NUDT21: variants seen among roughly 807,000 people sequenced by gnomAD.
NUDT21 encodes the protein nudix hydrolase 21.
Under a neutral mutation model 29.8 loss-of-function variants are expected in NUDT21, and 5 were observed. That is an observed-to-expected ratio of 0.17 (90% confidence interval 0.09 to 0.35). The LOEUF is 0.35. Among genes scored for constraint, NUDT21 ranks in the 10% least tolerant of loss-of-function variants. The pLI is 1.00. For missense variants in NUDT21, 76 were observed against 276.0 expected (o/e 0.28, Z 5.13); for synonymous variants, 113 against 98.5 (o/e 1.15, Z -0.87).
At position 56,450,778 on chromosome 16, in the gene NUDT21, C is replaced by T. The variant is rs143995365; in HGVS notation, c.116+309G>A. 2.4e-3 allele frequency among the ~76,000 whole-genome samples: 362 copies of T among 152,298 alleles called. 2 individuals carry two copies. The highest frequency in any genetic ancestry group is 3.4e-3 in the Non-Finnish European group (234 of 68,012). On this transcript the variant is annotated intron_variant, in intron 1 of 6. Transcript: ENST00000300291. ...CAATTCACTGGAAGGATTAAAAAAACACACATTTTGAAGTCGGTTACCTCT... is the reference window on the plus strand; with the variant it reads ...CAATTCACTGGAAGGATTAAAAAAATACACATTTTGAAGTCGGTTACCTCT...
At position 56,445,040 on chromosome 16, in the gene NUDT21, T is replaced by G. The variant is rs150012091; in HGVS notation, c.381+1586A>C. 2.8e-3 allele frequency among the ~76,000 whole-genome samples: 423 copies of G among 152,224 alleles called. 7 individuals carry two copies. In the East Asian group the frequency reaches 0.029, roughly 10 times the overall value. Reference sequence around the variant, plus strand: ...CTCTACTAAAAATACAAAAATTAGCTGGGCGTGGAGGCAGGCACCTTTAAT... The same window carrying G: ...CTCTACTAAAAATACAAAAATTAGCGGGGCGTGGAGGCAGGCACCTTTAAT... On this transcript the variant is annotated intron_variant, in intron 3 of 6. Transcript: ENST00000300291.
chr16:56,434,091 G>A (rs1962066596), intron 6 of NUDT21, among the ~76,000 whole-genome samples: 1 of 152,168 alleles, frequency 6.6e-6, no homozygotes, highest in African/African-American at 2.4e-5. Flanking sequence ...TAACTCTTGA[G>A]AATATCAGAA....
At chr16:56,445,653 A>C (rs1163603886) in intron 3 of NUDT21, among the ~76,000 whole-genome samples, 1 of 152,146 alleles carries the variant, frequency 6.6e-6, no homozygotes, top group Non-Finnish European at 1.5e-5. Context: ...TCAGTTCCTC[A>C]GTCATTCTGG....
chr16:56,446,495 C>T (rs1189392150), intron 3 of NUDT21, 131 bp downstream of exon 3: 1 of 561,918 alleles, frequency 1.8e-6, no homozygotes, highest in Non-Finnish European at 3.2e-6. Context: ...CAACATTGTA[C>T]TAACCTTCTG....
rs74768299 is a variant in NUDT21 at position 56,429,286 on chromosome 16, A to T, written c.*3426T>A. ...ACGTAATACCAGAAAAGTTCTCAAA[A>T]CCAAACTATAAATGATGCTTGAATA... On this transcript the variant is annotated 3_prime_UTR_variant, in exon 7 of 7. Coordinates refer to ENST00000300291, the MANE Select transcript of NUDT21 (RefSeq NM_007006.3). The T allele has an allele frequency of 3.3e-5, 5 of 152,250 alleles. No homozygotes were observed. The highest frequency in any genetic ancestry group is 7.3e-5 in the Non-Finnish European group (5 of 68,044). The allele number at this position is 152,250 out of a possible 1,614,324, so 9.4% of individuals were successfully genotyped here.
chr16:56,439,814 CAGAAA>C, intron 3 of NUDT21, 68 bp from the exon 4 acceptor site: 2 of 1,260,070 alleles, frequency 1.6e-6, no homozygotes, highest in Non-Finnish European at 2.3e-6. Context: ...CTTCAGTGAA[CAGAAA>C]ATTCTTAGCA....
chr16:56,433,858 T>C (rs1468004990), intron 6 of NUDT21, among the ~76,000 whole-genome samples: 1 of 152,086 alleles, frequency 6.6e-6, no homozygotes, highest in Non-Finnish European at 1.5e-5. Context: ...CACTAATTTT[T>C]GTATTTTTAG....
chr16:56,432,454 T>C lies in NUDT21; in HGVS notation c.*258A>G, dbSNP rs1962044465. The stretch of plus-strand genomic sequence containing the variant: ...TTAGAAGTTTAATGAGAAATTAAAA[T>C]AAAAAAAGTCCATTTTCTTTAATGT... On this transcript the variant is annotated 3_prime_UTR_variant, in exon 7 of 7. Transcript: ENST00000300291. 8.5e-6 allele frequency: 3 copies of C among 353,244 alleles called. No homozygotes were observed. Among genetic ancestry groups the C allele is most frequent in the South Asian group, 2.4e-4 (2 of 8,366 alleles). 21.9% of individuals were successfully genotyped at this position (353,244 alleles called of 1,614,324 possible).
chr16:56,436,773 G>A (rs1485231344), intron 4 of NUDT21, among the ~76,000 whole-genome samples: 2 of 152,182 alleles, frequency 1.3e-5, no homozygotes, highest in African/African-American at 4.8e-5. Context: ...GACTGAGATA[G>A]GAAGATGATA....
intron 4 of NUDT21, among the ~76,000 whole-genome samples, chr16:56,435,833 T>G (rs2143934596): frequency 8.3e-6 from 1 of 120,334 alleles, no homozygotes; most frequent in African/African-American, 3.1e-5. Context: ...CTGTTTACAT[T>G]AAAAATTCAA....
intron 1 of NUDT21, among the ~76,000 whole-genome samples, chr16:56,448,285 G>C (rs1962241549): frequency 6.6e-6 from 1 of 152,086 alleles, no homozygotes; most frequent in Non-Finnish European, 1.5e-5. Context: ...GTAATCCTCT[G>C]GTTTTATACC....
At chr16:56,447,629 G>A (rs1962234103) in intron 2 of NUDT21, 160 bp downstream of exon 2, 2 of 631,630 alleles carry the variant, frequency 3.2e-6, no homozygotes, top group African/African-American at 1.8e-5. Context: ...AATGAGCACT[G>A]CAATGGAGAA....
rs1962197694 is a variant in NUDT21 at position 56,444,623 on chromosome 16, A to AC, written c.381+2002_381+2003insG. Among the ~76,000 whole-genome samples the AC allele has an allele frequency of 4.0e-5, 6 of 151,156 alleles. No homozygotes were observed. The East Asian group carries it at 5.8e-4, about 15-fold the overall frequency. On this transcript the variant is annotated intron_variant, in intron 3 of 6. Coordinates refer to ENST00000300291, the MANE Select transcript of NUDT21 (RefSeq NM_007006.3). The stretch of plus-strand genomic sequence containing the variant: ...CTCAAAAAAAAAAAAACAAAAACAA[A>AC]AAAAAAAAAAAACAAGCCTAATTGT...
chr16:56,446,006 TG>T (rs1227095054), intron 3 of NUDT21, among the ~76,000 whole-genome samples: 1 of 152,216 alleles, frequency 6.6e-6, no homozygotes, highest in Non-Finnish European at 1.5e-5. Flanking sequence ...ATATGAGCTT[TG>T]TAACAGGGGC....
chr16:56,446,751 C>T, intron 2 of NUDT21, 62 bp from the exon 3 acceptor site: 1 of 977,198 alleles, frequency 1.0e-6, no homozygotes, highest in Non-Finnish European at 1.6e-6. Context: ...ACAAATAACA[C>T]AATAATTGTT....
In NUDT21 at chr16:56,429,335, A is replaced by G. The variant is rs1442270690; in HGVS notation, c.*3377T>C. 5 of 152,220 alleles carry G rather than the reference A, an allele frequency of 3.3e-5. No individual in the cohort carries two copies. The highest frequency in any genetic ancestry group is 3.3e-4 in the Admixed American group (5 of 15,292). The allele number at this position is 152,220 out of a possible 1,614,324, so 9.4% of individuals were successfully genotyped here. The stretch of plus-strand genomic sequence containing the variant: ...TACTATGATGTGAACACAATAACCA[A>G]AAGTTTAAATTTCTAAATACATGAC... On this transcript the variant is annotated 3_prime_UTR_variant, in exon 7 of 7. Transcript: ENST00000300291.
chr16:56,443,153 T>C (rs1596956491), intron 3 of NUDT21, among the ~76,000 whole-genome samples: 1 of 152,246 alleles, frequency 6.6e-6, no homozygotes, highest in East Asian at 1.9e-4. Flanking sequence ...TCTGTGTGCA[T>C]GAGTGATAGG....
chr16:56,439,872 G>A (rs1328053845), intron 3 of NUDT21, 126 bp from the exon 4 acceptor site: 8 of 724,882 alleles, frequency 1.1e-5, no homozygotes, highest in Non-Finnish European at 1.7e-5. Flanking sequence ...CTTCCATACA[G>A]ATTTTCTATG....
rs1249973830 is a variant in NUDT21, at chr16:56,430,140, T to A, written c.*2572A>T. 4 of 152,178 alleles carry A rather than the reference T, an allele frequency of 2.6e-5. No homozygotes were observed. Among genetic ancestry groups the A allele is most frequent in the Admixed American group, 6.5e-5 (1 of 15,282 alleles). The allele number at this position is 152,178 out of a possible 1,614,324, so 9.4% of individuals were successfully genotyped here. On this transcript the variant is annotated 3_prime_UTR_variant, in exon 7 of 7. Transcript: ENST00000300291. Reference sequence around the variant, plus strand: ...AAGACAATAAAAAGTTTTAAAATCTTCCAAATGTGCTGTTAACAGTACAAA... The same window carrying A: ...AAGACAATAAAAAGTTTTAAAATCTACCAAATGTGCTGTTAACAGTACAAA...
Sources: allele counts gnomAD v4.1 joint callset (sites outside exome capture counted in the v4.1 genomes callset), GRCh38; gene constraint gnomAD v4.1.1; transcripts MANE v1.5; gene names NCBI Gene and HGNC (gene_info 2026-07-23, HGNC 2026-07-21).